TRA2B: variants seen among roughly 807,000 people sequenced by gnomAD.
The protein encoded by TRA2B is transformer-2 protein homolog beta.
TRA2B carries 14 observed loss-of-function variants against 41.7 expected under a neutral mutation model. The ratio of observed to expected loss-of-function variants is 0.34; its 90% CI spans 0.22 to 0.53. The LOEUF (loss-of-function observed/expected upper bound fraction) is 0.53. Among genes scored for constraint, TRA2B ranks in the 20% least tolerant of loss-of-function variants. TRA2B has a pLI of 0.95. For missense variants in TRA2B, 167 were observed against 396.8 expected, an observed-to-expected ratio of 0.42 and a Z score of 4.92; for synonymous variants, 130 against 128.8, an observed-to-expected ratio of 1.01 and a Z score of -0.06.
rs1035317006 is a variant in TRA2B, at chr3:185,915,327, A to T, written c.*2388T>A. 1.3e-5 allele frequency among the ~76,000 whole-genome samples: 2 copies of T among 152,252 alleles called. No homozygotes were observed. On this transcript the variant is annotated 3_prime_UTR_variant, in exon 9 of 9. Transcript: ENST00000453386. ...TTTTAGTAGTCTCAGCCCTACAGCTATAAGAAATGGATTGTTTGTATTGGC... is the reference window on the plus strand; with the variant it reads ...TTTTAGTAGTCTCAGCCCTACAGCTTTAAGAAATGGATTGTTTGTATTGGC...
At chr3:185,930,230 G>C (rs1340112727) in intron 1 of TRA2B, among the ~76,000 whole-genome samples, 1 of 152,070 alleles carries the variant, frequency 6.6e-6, no homozygotes, top group Non-Finnish European at 1.5e-5. Flanking sequence ...CAGGTTTCTT[G>C]ATAAAAGAAT....
At position 185,937,946 on chromosome 3, in the gene TRA2B, C is replaced by G. The variant is rs1230048041; in HGVS notation, c.-86G>C. The G allele has an allele frequency of 6.5e-7, 1 of 1,538,104 alleles. No homozygotes were observed. The highest frequency in any genetic ancestry group is 8.9e-7 in the Non-Finnish European group (1 of 1,124,068). On this transcript the variant is annotated 5_prime_UTR_variant, in exon 1 of 9. Transcript: ENST00000453386. ...TTCCTTAAGGAGGCTCCGCCGCAGC[C>G]CCGCACGACGCGCCGGTCGCCCAGC...
At chr3:185,922,180 C>T in intron 4 of TRA2B, 54 bp from the exon 5 acceptor site, 1 of 1,335,310 alleles carries the variant, frequency 7.5e-7, no homozygotes, top group African/African-American at 1.5e-5. Flanking sequence ...CACTAATTAT[C>T]CTGTGGCTAT....
At chr3:185,922,262 A>C in intron 4 of TRA2B, 136 bp from the exon 5 acceptor site, 1 of 525,636 alleles carries the variant, frequency 1.9e-6, no homozygotes, top group East Asian at 3.1e-5. Flanking sequence ...CGTAAGGTCT[A>C]CAACTTACAA....
rs1057500617 is a variant in TRA2B, at chr3:185,936,077, A to G, written c.36+1748T>C. Reference sequence around the variant, plus strand: ...TTGTTTCCCTTCTCACGTAAAATATACTAATGAACTCTGGGCAATTTTCCA... The same window carrying G: ...TTGTTTCCCTTCTCACGTAAAATATGCTAATGAACTCTGGGCAATTTTCCA... On this transcript the variant is annotated intron_variant, in intron 1 of 8. Transcript: ENST00000453386. 3.0e-6 allele frequency: 3 copies of G among 985,296 alleles called. No individual in the cohort carries two copies. The African/African-American group carries it at 5.2e-5, about 17-fold the overall frequency. 61.0% of individuals were successfully genotyped at this position (985,296 alleles called of 1,614,324 possible). A position where few individuals can be genotyped will look rare whatever the true frequency, so the allele number is the denominator to read the frequency against.
intron 6 of TRA2B, among the ~76,000 whole-genome samples, chr3:185,919,832 GAAC>G (rs753214174): frequency 1.3e-5 from 2 of 152,072 alleles, no homozygotes; most frequent in Non-Finnish European, 2.9e-5. Flanking sequence ...ATAAAATGCT[GAAC>G]AATACACTTA....
At position 185,915,123 on chromosome 3, in the gene TRA2B, G is replaced by A. The variant is rs564965542; in HGVS notation, c.*2592C>T. Among the ~76,000 whole-genome samples, 10 of 152,240 alleles carry A rather than the reference G, an allele frequency of 6.6e-5. No homozygotes were observed. Among genetic ancestry groups the A allele is most frequent in the East Asian group, 1.9e-4 (1 of 5,182 alleles). Reference sequence around the variant, plus strand: ...ATCTGCTGTTGCTGATCTGACAGGCGGCGGAGCTCAGGCAATCCATGGCCA... The same window carrying A: ...ATCTGCTGTTGCTGATCTGACAGGCAGCGGAGCTCAGGCAATCCATGGCCA... On this transcript the variant is annotated 3_prime_UTR_variant, in exon 9 of 9. Coordinates refer to ENST00000453386, the MANE Select transcript of TRA2B (RefSeq NM_004593.3).
Position 185,923,785 on chromosome 3 carries a change from C to A in TRA2B, c.522+11G>T, listed in dbSNP as rs1197713077. 1.2e-6 allele frequency: 2 copies of A among 1,600,630 alleles called. No homozygotes were observed. The highest frequency in any genetic ancestry group is 1.1e-5 in the South Asian group (1 of 88,530). Reference sequence around the variant, plus strand: ...AACTGATGGTTTACAAAGGAACGGGCTTTTACTTACTTCCTTGGCATCATC... The same window carrying A: ...AACTGATGGTTTACAAAGGAACGGGATTTTACTTACTTCCTTGGCATCATC... On this transcript the variant is annotated intron_variant, in intron 4 of 8. Coordinates refer to ENST00000453386, the MANE Select transcript of TRA2B (RefSeq NM_004593.3).
chr3:185,917,652 T>C lies in TRA2B; in HGVS notation c.*63A>G. 6.3e-7 allele frequency: 1 copy of C among 1,582,852 alleles called. No individual in the cohort carries two copies. The highest frequency in any genetic ancestry group is 1.7e-5 in the Admixed American group (1 of 58,208). ...TGTTCACTTTTTAAACAAGAGACAATAAAAAATATTGCCCACAAACAATAT... is the reference window on the plus strand; with the variant it reads ...TGTTCACTTTTTAAACAAGAGACAACAAAAAATATTGCCCACAAACAATAT... On this transcript the variant is annotated 3_prime_UTR_variant, in exon 9 of 9. Transcript: ENST00000453386.
intron 5 of TRA2B, among the ~76,000 whole-genome samples, chr3:185,921,570 C>A (rs1052596000): frequency 1.3e-5 from 2 of 152,134 alleles, no homozygotes; most frequent in Admixed American, 6.6e-5. Context: ...CGAGAACATC[C>A]TGGCTAACAT....
intron 1 of TRA2B, 126 bp from the exon 2 acceptor site, chr3:185,926,860 G>T: frequency 8.5e-7 from 1 of 1,170,988 alleles, no homozygotes; most frequent in Non-Finnish European, 1.2e-6. Context: ...ATAGGTAAGG[G>T]CAGGAACTGA....
intron 4 of TRA2B, chr3:185,922,621 T>G (rs1255992365): frequency 6.6e-6 from 1 of 152,396 alleles, no homozygotes. Flanking sequence ...GCGACTGAGA[T>G]CCTATGACTG....
Position 185,937,986 on chromosome 3 carries a change from A to C in TRA2B, c.-126T>G, listed in dbSNP as rs527663168. The C allele has an allele frequency of 7.9e-6, 9 of 1,143,086 alleles. No homozygotes were observed. In the Admixed American group the frequency reaches 9.9e-5, roughly 13 times the overall value. 70.8% of individuals were successfully genotyped at this position (1,143,086 alleles called of 1,614,324 possible). ...GGTCGCCCAGCCGCTCAGAGCCGAA[A>C]TGCTCCGCACCGCCTCCGCACGGGC... On this transcript the variant is annotated 5_prime_UTR_variant, in exon 1 of 9. Coordinates refer to ENST00000453386, the MANE Select transcript of TRA2B (RefSeq NM_004593.3).
At chr3:185,929,920 T>C in intron 1 of TRA2B, among the ~76,000 whole-genome samples, 1 of 152,148 alleles carries the variant, frequency 6.6e-6, no homozygotes, top group East Asian at 1.9e-4. Flanking sequence ...TTGTTTTGAC[T>C]CCCCTTAGCA....
At chr3:185,925,343 A>T in intron 3 of TRA2B, 121 bp downstream of exon 3, 2 of 1,173,856 alleles carry the variant, frequency 1.7e-6, no homozygotes, top group Non-Finnish European at 2.3e-6. Flanking sequence ...AACACTAAAA[A>T]AGCCTCTGAA....
rs138688343 is a variant in TRA2B at position 185,934,615 on chromosome 3, T to C, written c.36+3210A>G. 3.8e-4 allele frequency: 376 copies of C among 985,434 alleles called. 1 individual carries two copies. The African/African-American group carries it at 6.2e-3, about 16-fold the overall frequency. The allele number at this position is 985,434 out of a possible 1,614,324, so 61.0% of individuals were successfully genotyped here. ...CCTCCTATTTGACAATTCAATCCTTTTTTAAAGGAAATTTGGTGAGATGGC... is the reference window on the plus strand; with the variant it reads ...CCTCCTATTTGACAATTCAATCCTTCTTTAAAGGAAATTTGGTGAGATGGC... On this transcript the variant is annotated intron_variant, in intron 1 of 8. Transcript: ENST00000453386.
rs1223040578 is a variant in TRA2B at position 185,915,852 on chromosome 3, T to A, written c.*1863A>T. The stretch of plus-strand genomic sequence containing the variant: ...AGAGGTTTGGTTGGGGAGAAAATGG[T>A]GGAGAATGTAGTTACTTCAGGAAAG... On this transcript the variant is annotated 3_prime_UTR_variant, in exon 9 of 9. Transcript: ENST00000453386. 6.6e-6 allele frequency: 1 copy of A among 152,096 alleles called. No individual in the cohort carries two copies. The highest frequency in any genetic ancestry group is 2.4e-5 in the African/African-American group (1 of 41,418). 9.4% of individuals were successfully genotyped at this position (152,096 alleles called of 1,614,324 possible).
chr3:185,935,402 A>C (rs1744310597), intron 1 of TRA2B: 8 of 985,424 alleles, frequency 8.1e-6, no homozygotes, highest in Non-Finnish European at 9.6e-6. Flanking sequence ...CCAGTTCTTT[A>C]AATGTCATTA....
intron 4 of TRA2B, chr3:185,923,569 TA>T (rs1284149382): frequency 2.7e-6 from 1 of 371,172 alleles, no homozygotes. Context: ...AATTGGGGTA[TA>T]GTTGACCCCA....
Sources: gnomAD v4.1 joint callset for allele counts (sites outside exome capture counted in the v4.1 genomes callset) on GRCh38, gnomAD v4.1.1 for gene constraint, MANE v1.5 for transcripts, NCBI Gene and HGNC (gene_info 2026-07-23, HGNC 2026-07-21) for gene names.